The following TUBA3C variants were observed in gnomAD, a reference collection of about 807,000 sequenced individuals.
The protein encoded by TUBA3C is tubulin alpha-3C chain.
TUBA3C carries 23 observed loss-of-function variants against 33.4 expected under a neutral mutation model. That is an observed-to-expected ratio of 0.69 (90% CI 0.50 to 0.98). TUBA3C has a LOEUF of 0.98. Among genes scored for constraint, TUBA3C ranks in the 50% least tolerant of loss-of-function variants. TUBA3C has a pLI of 0.00. For missense variants in TUBA3C, 402 were observed against 616.0 expected (o/e 0.65, Z 3.68); for synonymous variants, 269 against 250.4 (o/e 1.07, Z -0.70).
At chr13:19,181,638 C>T (rs1347107271) in intron 1 of TUBA3C, 107 bp downstream of exon 1, 2 of 1,531,234 alleles carry the variant, frequency 1.3e-6, no homozygotes, top group Non-Finnish European at 8.9e-7. Flanking sequence ...GACCTCCTTT[C>T]TGCACCCTGG....
At position 19,177,525 on chromosome 13, in the gene TUBA3C, A is replaced by G. The variant is rs1869239529; in HGVS notation, c.458T>C (p.Leu153Pro). 6.2e-7 allele frequency: 1 copy of G among 1,613,926 alleles called. No homozygotes were observed. Among genetic ancestry groups the G allele is most frequent in the Non-Finnish European group, 8.5e-7 (1 of 1,180,006 alleles). Residue 153 changes from leucine to proline, a missense_variant, in exon 4 of 5, where the codon CTC becomes CCC. Physicochemically the swap from Leu to Pro is moderately conservative, Grantham distance 98. Coordinates refer to ENST00000400113, the MANE Select transcript of TUBA3C (RefSeq NM_006001.3). The surrounding 1 kb of genome is among the most constrained non-coding windows in gnomAD (Gnocchi z 5.0). ...GTAATCCACTGAGAGCCGCTCCATG[A>G]GCAGAGATGCGAACCCAGAGCCAGT... Reference protein sequence around the residue: ...GGTGSGFASLLMERLSVDYGK... With the variant: ...GGTGSGFASLPMERLSVDYGK...
At chr13:19,180,571 A>G (rs1245146506) in intron 1 of TUBA3C, among the ~76,000 whole-genome samples, 1 of 151,778 alleles carries the variant, frequency 6.6e-6, no homozygotes, top group Non-Finnish European at 1.5e-5. Context: ...GCACAATCTC[A>G]GCTCACTGCA....
rs374151153 is a variant in TUBA3C at position 19,181,105 on chromosome 13, T to C, written c.3+640A>G. ...TCTCTCTCTGTCGCACAAGCTGGAG[T>C]GCAGTGGCACCATCATGACTCACTG... On this transcript the variant is annotated intron_variant, in intron 1 of 4. Transcript: ENST00000400113. Among the ~76,000 whole-genome samples, 931 of 149,568 alleles carry C rather than the reference T, an allele frequency of 6.2e-3. 5 individuals are homozygous for C. The highest frequency in any genetic ancestry group is 0.028 in the Middle Eastern group (8 of 290).
In TUBA3C at chr13:19,177,386, G is replaced by C; in HGVS notation, c.597C>G (p.Asp199Glu). 1 of 1,614,180 alleles carries C rather than the reference G, an allele frequency of 6.2e-7. No homozygotes were observed. Among genetic ancestry groups the C allele is most frequent in the Non-Finnish European group, 8.5e-7 (1 of 1,180,040 alleles). Residue 199 changes from aspartate (D) to glutamate (E), a missense_variant, in exon 4 of 5, where the codon GAC becomes GAG. Coordinates refer to ENST00000400113, the MANE Select transcript of TUBA3C (RefSeq NM_006001.3). This position sits in a 1 kb window ranked among gnomAD's most constrained non-coding sequence, Gnocchi z 5.0. ...LTTHTTLEHS[D>E]CAFMVDNEAI... ...CTTCATTGTCGACCATGAAGGCACA[G>C]TCAGAATGTTCCAGGGTCGTGTGGG... is the stretch of plus-strand genomic sequence containing the variant.
intron 4 of TUBA3C, among the ~76,000 whole-genome samples, 177 bp downstream of exon 4, chr13:19,176,725 CAAAAAAAAAAAAAAAAAAAAAAAAA>C (rs55746544): frequency 5.8e-5 from 2 of 34,584 alleles, no homozygotes; most frequent in Admixed American, 1.2e-3. Flanking sequence ...GACTCTGCCT[CAAAAAAAAAAAAAAAAAAAAAAAAA>C]AAAAAAAAAG....
rs1565971515 is a variant in TUBA3C, at chr13:19,177,683, C to T, written c.376-76G>A. 21 of 1,502,206 alleles carry T rather than the reference C, an allele frequency of 1.4e-5. No individual in the cohort carries two copies. The highest frequency in any genetic ancestry group is 1.8e-5 in the Non-Finnish European group (20 of 1,123,398). 93.1% of individuals were successfully genotyped at this position (1,502,206 alleles called of 1,614,324 possible). A position where few individuals can be genotyped will look rare whatever the true frequency, so the allele number is the denominator to read the frequency against. ...AACCTCCACCAAGCCAGGGCCACTT[C>T]TCTGCCTCTGAAGACTTGATATGGA... is the stretch of plus-strand genomic sequence containing the variant. On this transcript the variant is annotated intron_variant, in intron 3 of 4. Coordinates refer to ENST00000400113, the MANE Select transcript of TUBA3C (RefSeq NM_006001.3). This position sits in a 1 kb window ranked among gnomAD's most constrained non-coding sequence, Gnocchi z 5.0.
At chr13:19,178,976 G>A (rs552680340) in intron 2 of TUBA3C, among the ~76,000 whole-genome samples, 1 of 152,294 alleles carries the variant, frequency 6.6e-6, no homozygotes, top group South Asian at 2.1e-4. Context: ...CTATGCCTAA[G>A]ATGCAGGTCA....
At chr13:19,180,507 A>AT (rs1212537142) in intron 1 of TUBA3C, among the ~76,000 whole-genome samples, 22 of 148,696 alleles carry the variant, frequency 1.5e-4, no homozygotes, top group East Asian at 2.1e-4. Flanking sequence ...TATGAAAAAA[A>AT]ATTTTTTTTT....
intron 3 of TUBA3C, 99 bp downstream of exon 3, chr13:19,178,147 A>G: frequency 6.5e-7 from 1 of 1,539,602 alleles, no homozygotes; most frequent in Non-Finnish European, 8.8e-7. Context: ...GACCCAGCCA[A>G]CGCACTGGTC....
intron 1 of TUBA3C, 128 bp downstream of exon 1, chr13:19,181,617 C>A: frequency 1.5e-6 from 2 of 1,365,392 alleles, no homozygotes; most frequent in Non-Finnish European, 2.0e-6. Context: ...CTGGGCCCCG[C>A]ATCCTTCTCT....
intron 1 of TUBA3C, among the ~76,000 whole-genome samples, chr13:19,180,733 G>A (rs1477171658): frequency 2.0e-5 from 3 of 151,920 alleles, no homozygotes. Flanking sequence ...CTGACCTTTT[G>A]ATATGCCCGC....
At position 19,181,758 on chromosome 13, in the gene TUBA3C, TC is replaced by T. The variant is rs772975430; in HGVS notation, c.-12del. ...ACCTGGCCTTACCATGTTGAGCTCCTCCGCTGCCGCAGCCCAACGCTACTAC... is the reference window on the plus strand; with the variant it reads ...ACCTGGCCTTACCATGTTGAGCTCCTCGCTGCCGCAGCCCAACGCTACTAC... On this transcript the variant is annotated 5_prime_UTR_variant, in exon 1 of 5. Transcript: ENST00000400113. 20 of 1,602,296 alleles carry T rather than the reference TC, an allele frequency of 1.2e-5. No homozygotes were observed. The African/African-American group carries it at 2.4e-4, about 19-fold the overall frequency.
At chr13:19,180,611 C>T (rs2138959293) in intron 1 of TUBA3C, among the ~76,000 whole-genome samples, 1 of 152,062 alleles carries the variant, frequency 6.6e-6, no homozygotes, top group South Asian at 2.1e-4. Context: ...AAGCAATTCT[C>T]CTGCCTCAGT....
rs751765050 is a variant in TUBA3C, at chr13:19,179,554, T to C, written c.13A>G (p.Ile5Val). MRECISIHVGQAGVQ... is the reference protein window; with the variant it reads MRECVSIHVGQAGVQ... ...CCTGCCTGCCCCACGTGGATAGAGATACACTCACGCTGTGAACCAGAACAT... is the reference window on the plus strand; with the variant it reads ...CCTGCCTGCCCCACGTGGATAGAGACACACTCACGCTGTGAACCAGAACAT... The change falls in exon 2 of 5, where the codon ATC becomes GTC. Residue 5 changes from isoleucine (I) to valine (V), a missense_variant. By Grantham distance (29) the Ile-to-Val change is conservative. Coordinates refer to ENST00000400113, the MANE Select transcript of TUBA3C (RefSeq NM_006001.3). 3.1e-6 allele frequency: 5 copies of C among 1,614,076 alleles called. No individual in the cohort carries two copies. The highest frequency in any genetic ancestry group is 3.4e-6 in the Non-Finnish European group (4 of 1,179,928).
chr13:19,177,733 C>T lies in TUBA3C; in HGVS notation c.376-126G>A. ...ATTCCAATCATCCATAATAAACACG[C>T]AGTACACTCTGAAGCAAAGAAAAGC... On this transcript the variant is annotated intron_variant, in intron 3 of 4. Coordinates refer to ENST00000400113, the MANE Select transcript of TUBA3C (RefSeq NM_006001.3). The surrounding 1 kb of genome is among the most constrained non-coding windows in gnomAD (Gnocchi z 5.0). 2 of 1,243,656 alleles carry T rather than the reference C, an allele frequency of 1.6e-6. No individual in the cohort carries two copies. The highest frequency in any genetic ancestry group is 2.2e-6 in the Non-Finnish European group (2 of 910,806). 77.0% of individuals were successfully genotyped at this position (1,243,656 alleles called of 1,614,324 possible).
In TUBA3C at chr13:19,177,450, G is replaced by C. The variant is rs866476129; in HGVS notation, c.533C>G (p.Ser178Cys). The stretch of plus-strand genomic sequence containing the variant: ...GTTGTAGGGCTCCACCACGGCCGTG[G>C]AGACCTGGGGGGCTGGGTAAATGGC... ...EFAIYPAPQV[S>C]TAVVEPYNSI... Residue 178 changes from serine (S) to cysteine (C), a missense_variant, in exon 4 of 5, where the codon TCC (serine) becomes TGC (cysteine). By Grantham distance (112) the Ser-to-Cys change is moderately radical. Coordinates refer to ENST00000400113, the MANE Select transcript of TUBA3C (RefSeq NM_006001.3). The surrounding 1 kb of genome is among the most constrained non-coding windows in gnomAD (Gnocchi z 5.0). 1.2e-6 allele frequency: 2 copies of C among 1,614,166 alleles called. No individual in the cohort carries two copies. The highest frequency in any genetic ancestry group is 2.7e-5 in the African/African-American group (2 of 75,032).
intron 1 of TUBA3C, among the ~76,000 whole-genome samples, chr13:19,180,671 A>AT (rs1208542934): frequency 6.6e-6 from 1 of 151,620 alleles, no homozygotes; most frequent in African/African-American, 2.4e-5. Context: ...AATTTTTTGT[A>AT]TTTTTAGTAG....
In TUBA3C at chr13:19,178,276, G is replaced by T. The variant is rs552346334; in HGVS notation, c.345C>A (p.Val115=). The change falls in exon 3 of 5, where the codon GTC becomes GTA. Residue 115 remains valine, a synonymous_variant. Coordinates refer to ENST00000400113, the MANE Select transcript of TUBA3C (RefSeq NM_006001.3). The part of the protein sequence containing the change: ...RGHYTIGKEI[V]DLVLDRIRKL... ...TGCGGATCCGGTCCAGGACCAGGTCGACGATCTCCTTGCCGATGGTGTAAT... is the reference window on the plus strand; with the variant it reads ...TGCGGATCCGGTCCAGGACCAGGTCTACGATCTCCTTGCCGATGGTGTAAT... 7 of 1,614,166 alleles carry T rather than the reference G, an allele frequency of 4.3e-6. No homozygotes were observed. The highest frequency in any genetic ancestry group is 3.3e-5 in the South Asian group (3 of 91,066).
rs187742892 is a variant in TUBA3C, at chr13:19,179,429, G to A, written c.138C>T (p.Asp46=). The stretch of plus-strand genomic sequence containing the variant: ...CACTGAAGAACGTGTTGAAGGAGTC[G>A]TCCCCACCACCAATGGTTTTATCAC... ...MPSDKTIGGG[D]DSFNTFFSET... The change falls in exon 2 of 5, where the codon GAC becomes GAT. Residue 46 remains aspartate, a synonymous_variant. Transcript: ENST00000400113. The A allele has an allele frequency of 7.4e-6, 12 of 1,614,016 alleles. No individual in the cohort carries two copies. The East Asian group carries it at 8.9e-5, about 12-fold the overall frequency.
Sources: allele counts gnomAD v4.1 joint callset (sites outside exome capture counted in the v4.1 genomes callset), GRCh38; gene constraint gnomAD v4.1.1; non-coding constraint Gnocchi (gnomAD v3.1); transcripts MANE v1.5; gene names NCBI Gene and HGNC (gene_info 2026-07-23, HGNC 2026-07-21).